Variants in SLC25A51 observed in about 807,000 individuals in gnomAD.
SLC25A51 encodes the protein solute carrier family 25 member 51.
SLC25A51 carries 11 observed loss-of-function variants against 19.1 expected under a neutral mutation model. The observed-to-expected ratio is 0.58, with a 90% CI of 0.36 to 0.96. The LOEUF (loss-of-function observed/expected upper bound fraction) is 0.96, where lower values mean the gene tolerates loss of function less well. SLC25A51 is among the 40% of genes least tolerant of loss of function. The pLI, the probability that SLC25A51 is intolerant of heterozygous loss-of-function variation, is 0.01. For missense variants in SLC25A51, 201 were observed against 365.4 expected (o/e 0.55, Z 3.67); for synonymous variants, 105 against 133.6 (o/e 0.79, Z 1.47).
chr9:37,884,185 T>A (rs896066274), downstream of SLC25A51, among the ~76,000 whole-genome samples: 2 of 152,242 alleles, frequency 1.3e-5, no homozygotes, highest in Non-Finnish European at 2.9e-5. Context: ...TTAAGATGCA[T>A]AATCCACTTT....
chr9:37,900,623 A>T (rs922200987), intron 1 of SLC25A51, among the ~76,000 whole-genome samples: 6 of 151,974 alleles, frequency 3.9e-5, no homozygotes, highest in Non-Finnish European at 7.4e-5. Context: ...TTTAGCAGAG[A>T]GGGGGCCTTG....
chr9:37,902,200 T>C (rs1480828240), intron 1 of SLC25A51, among the ~76,000 whole-genome samples: 1 of 152,222 alleles, frequency 6.6e-6, no homozygotes, highest in Non-Finnish European at 1.5e-5. Flanking sequence ...ATTTTGTCCA[T>C]GTTCACTTTT....
downstream of SLC25A51, among the ~76,000 whole-genome samples, chr9:37,887,044 C>T (rs1831473557): frequency 6.7e-6 from 1 of 149,878 alleles, no homozygotes; most frequent in African/African-American, 2.5e-5. Flanking sequence ...TAGCCGGGCA[C>T]AGTGGCTCAC....
intron 2 of SLC25A51, among the ~76,000 whole-genome samples, chr9:37,890,521 T>C (rs1046030622): frequency 6.6e-6 from 1 of 152,114 alleles, no homozygotes; most frequent in Admixed American, 6.5e-5. Flanking sequence ...CTGGGCAACA[T>C]AGTGAGACTC....
downstream of SLC25A51, chr9:37,886,148 C>T: frequency 1.4e-6 from 2 of 1,434,610 alleles, no homozygotes; most frequent in Non-Finnish European, 2.0e-6. Context: ...CACCAATCAA[C>T]TCCCTACCCT....
At chr9:37,897,162 A>T (rs1831734139) in intron 2 of SLC25A51, among the ~76,000 whole-genome samples, 1 of 152,080 alleles carries the variant, frequency 6.6e-6, no homozygotes, top group Non-Finnish European at 1.5e-5. Flanking sequence ...CTTCACATAG[A>T]TATTATTTCT....
intron 2 of SLC25A51, among the ~76,000 whole-genome samples, chr9:37,894,101 T>C (rs1320752734): frequency 1.3e-5 from 2 of 152,240 alleles, no homozygotes; most frequent in South Asian, 4.1e-4. Context: ...TGCACAGTAC[T>C]CTATGAAATG....
chr9:37,883,759 G>A (rs1452726730), downstream of SLC25A51, among the ~76,000 whole-genome samples: 2 of 152,182 alleles, frequency 1.3e-5, no homozygotes, highest in Non-Finnish European at 2.9e-5. Flanking sequence ...GATTTAATAG[G>A]CCAATGGATG....
chr9:37,901,260 C>A (rs1831842188), intron 1 of SLC25A51, among the ~76,000 whole-genome samples: 1 of 152,174 alleles, frequency 6.6e-6, no homozygotes, highest in African/African-American at 2.4e-5. Context: ...ACCTCCACCT[C>A]CTGGGTTCAA....
At chr9:37,882,386 G>A (rs567511683) in intron 2 of SLC25A51, among the ~76,000 whole-genome samples, 149 of 152,108 alleles carry the variant, frequency 9.8e-4, no homozygotes, top group African/African-American at 3.6e-3. Context: ...ATATCCCATC[G>A]ACCACCATTA....
intron 2 of SLC25A51, among the ~76,000 whole-genome samples, chr9:37,892,569 A>AT (rs1041282330): frequency 6.6e-6 from 1 of 151,310 alleles, no homozygotes; most frequent in African/African-American, 2.4e-5. Context: ...ATATATATAT[A>AT]TTTTTTTCTT....
intron 1 of SLC25A51, among the ~76,000 whole-genome samples, chr9:37,901,216 C>G (rs1307028188): frequency 6.6e-6 from 1 of 152,060 alleles, no homozygotes; most frequent in Non-Finnish European, 1.5e-5. Flanking sequence ...GTTGCCCAGG[C>G]TGGAGTGCAG....
At chr9:37,878,855 C>A, downstream of SLC25A51, 1 of 163,274 alleles carries the variant, frequency 6.1e-6, no homozygotes. Context: ...CAGACTCAAG[C>A]AATCCTCCTG....
At chr9:37,886,664 T>C (rs988878039), downstream of SLC25A51, among the ~76,000 whole-genome samples, 1 of 152,178 alleles carries the variant, frequency 6.6e-6, no homozygotes, top group Non-Finnish European at 1.5e-5. Context: ...GTCAGTGTGT[T>C]AACTGCTTAT....
intron 2 of SLC25A51, among the ~76,000 whole-genome samples, chr9:37,896,609 A>G (rs1265152782): frequency 6.6e-6 from 1 of 152,198 alleles, no homozygotes; most frequent in Non-Finnish European, 1.5e-5. Context: ...CAGTCTGGCC[A>G]ACATGGCGAA....
chr9:37,895,514 AAT>A (rs1480972963), intron 2 of SLC25A51, among the ~76,000 whole-genome samples: 1 of 151,942 alleles, frequency 6.6e-6, no homozygotes, highest in Non-Finnish European at 1.5e-5. Flanking sequence ...AAAATTTTTG[AAT>A]ATGATTCCCC....
chr9:37,892,530 T>C (rs1831614663), intron 2 of SLC25A51, among the ~76,000 whole-genome samples: 1 of 152,008 alleles, frequency 6.6e-6, no homozygotes, highest in Non-Finnish European at 1.5e-5. Context: ...TACTACATTA[T>C]ATATATACAA....
chr9:37,894,317 CT>C (rs1035674745), intron 2 of SLC25A51, among the ~76,000 whole-genome samples: 23 of 148,684 alleles, frequency 1.5e-4, no homozygotes, highest in South Asian at 6.4e-4. Context: ...CCCCACTCAC[CT>C]TTTTTTTTAA....
chr9:37,886,078 G>A (rs867462331), downstream of SLC25A51: 84 of 1,570,064 alleles, frequency 5.4e-5, 2 homozygotes, highest in South Asian at 5.9e-4. Context: ...ATTTTGGGAC[G>A]GTGGATGCTG....
Sources: gnomAD v4.1 joint callset for allele counts (sites outside exome capture counted in the v4.1 genomes callset) on GRCh38, gnomAD v4.1.1 for gene constraint, MANE v1.5 for transcripts, NCBI Gene and HGNC (gene_info 2026-07-23, HGNC 2026-07-21) for gene names.